The following MYO3B variants were observed in gnomAD, a reference collection of about 807,000 sequenced individuals.
MYO3B encodes myosin-IIIb.
In MYO3B, 156 loss-of-function variants were observed where a neutral mutation model predicts 174.6. That is an observed-to-expected ratio of 0.89 (90% CI 0.78 to 1.02). The LOEUF is 1.02. Ranked by LOEUF, MYO3B falls within the 50% of genes least tolerant of loss-of-function variation. The probability of loss-of-function intolerance (pLI) is 0.00; values close to 1 mark genes in which losing one functional copy is unlikely to be tolerated. For missense variants in MYO3B, 1,632 were observed against 1,639.4 expected (o/e 1.00, Z 0.08); for synonymous variants, 563 against 569.1 (o/e 0.99, Z 0.15).
At chr2:170,615,082 G>A (rs186640808) in intron 32 of MYO3B, among the ~76,000 whole-genome samples, 36 of 151,996 alleles carry the variant, frequency 2.4e-4, no homozygotes, top group African/African-American at 4.3e-4. Context: ...TTTGTGTTTC[G>A]GTGTCACACT....
chr2:170,476,895 T>A (rs1250764478), intron 25 of MYO3B, among the ~76,000 whole-genome samples: 5 of 152,126 alleles, frequency 3.3e-5, no homozygotes, highest in Admixed American at 3.3e-4. Flanking sequence ...TGGGGGTTAA[T>A]GGCCCAGGGA....
chr2:170,648,428 G>C (rs980012423), intron 32 of MYO3B, among the ~76,000 whole-genome samples: 6 of 151,794 alleles, frequency 4.0e-5, no homozygotes, highest in Non-Finnish European at 7.4e-5. Context: ...TCAGGAGTTC[G>C]AGACCAGGCT....
intron 23 of MYO3B, among the ~76,000 whole-genome samples, chr2:170,445,959 G>A (rs921281077): frequency 6.6e-6 from 1 of 151,044 alleles, no homozygotes; most frequent in African/African-American, 2.4e-5. Flanking sequence ...GGGGTCGGGG[G>A]CAGCATTTTA....
rs749861532 is a variant in MYO3B at position 170,369,280 on chromosome 2, T to C, written c.874T>C (p.Phe292Leu). ...CGTCACACATCTCCTTGACCACCCA[T>C]TTATTAAAGGAGTACATGGAAAAGT... ...PSVTHLLDHP[F>L]IKGVHGKVLF... The change falls in exon 9 of 35, where the codon TTT (phenylalanine) becomes CTT (leucine). Residue 292 changes from phenylalanine to leucine, a missense_variant. Phe to Leu is a conservative substitution (Grantham distance 22). Coordinates refer to ENST00000408978, the MANE Select transcript of MYO3B (RefSeq NM_138995.5). The C allele has an allele frequency of 6.2e-7, 1 of 1,613,812 alleles. No homozygotes were observed. Among genetic ancestry groups the C allele is most frequent in the Non-Finnish European group, 8.5e-7 (1 of 1,179,786 alleles).
At chr2:170,533,691 G>A (rs1247241153) in intron 30 of MYO3B, among the ~76,000 whole-genome samples, 1 of 152,166 alleles carries the variant, frequency 6.6e-6, no homozygotes, top group African/African-American at 2.4e-5. Context: ...CATGTTTACG[G>A]ATTTGTCTTT....
intron 1 of MYO3B, among the ~76,000 whole-genome samples, chr2:170,182,968 A>C (rs1574536250): frequency 6.6e-6 from 1 of 152,048 alleles, no homozygotes; most frequent in South Asian, 2.1e-4. Context: ...TTAAAAAAAA[A>C]CAAAGCGGCT....
At chr2:170,363,575 G>T (rs2094177291) in intron 8 of MYO3B, among the ~76,000 whole-genome samples, 1 of 152,214 alleles carries the variant, frequency 6.6e-6, no homozygotes, top group South Asian at 2.1e-4. Context: ...TTTGGCAGAA[G>T]CCAGACTGGG....
In MYO3B at chr2:170,270,451, G is replaced by A. The variant is rs552239480; in HGVS notation, c.749+34315G>A. Among the ~76,000 whole-genome samples the A allele has an allele frequency of 2.0e-4, 30 of 152,286 alleles. No individual in the cohort carries two copies. In the South Asian group the frequency reaches 6.0e-3, roughly 31 times the overall value. On this transcript the variant is annotated intron_variant, in intron 7 of 34. Coordinates refer to ENST00000408978, the MANE Select transcript of MYO3B (RefSeq NM_138995.5). ...GAATTCAAAGCTTTACTTTGAATTT[G>A]CTCATCTCTCAGACTCTGGACGCAG...
intron 32 of MYO3B, among the ~76,000 whole-genome samples, chr2:170,600,953 C>T (rs1310634518): frequency 6.6e-6 from 1 of 152,098 alleles, no homozygotes; most frequent in Non-Finnish European, 1.5e-5. Flanking sequence ...CTTAACTGAT[C>T]AAGATTTTGG....
intron 3 of MYO3B, among the ~76,000 whole-genome samples, chr2:170,212,796 C>T (rs184430769): frequency 7.4e-4 from 112 of 152,332 alleles, no homozygotes; most frequent in African/African-American, 2.5e-3. Context: ...CCCCAGTGCT[C>T]GTGTCTGGCT....
At chr2:170,607,429 T>C (rs1389682445) in intron 32 of MYO3B, among the ~76,000 whole-genome samples, 1 of 152,238 alleles carries the variant, frequency 6.6e-6, no homozygotes, top group Non-Finnish European at 1.5e-5. Flanking sequence ...AGTTTTCATC[T>C]AGATCATCCT....
intron 32 of MYO3B, among the ~76,000 whole-genome samples, chr2:170,583,828 T>C (rs1693317278): frequency 6.6e-6 from 1 of 152,196 alleles, no homozygotes; most frequent in African/African-American, 2.4e-5. Context: ...ACATTGTGAC[T>C]TCAGACTCAG....
chr2:170,573,227 G>GTGTATATATATATATA (rs1446970724), intron 32 of MYO3B, among the ~76,000 whole-genome samples: 280 of 46,390 alleles, frequency 6.0e-3, no homozygotes, highest in Non-Finnish European at 0.015. Context: ...TATACTGTGT[G>GTGTATATATATATATA]TATATATATA....
At chr2:170,423,807 T>C (rs1381298221) in intron 22 of MYO3B, among the ~76,000 whole-genome samples, 1 of 152,022 alleles carries the variant, frequency 6.6e-6, no homozygotes, top group Non-Finnish European at 1.5e-5. Context: ...TCTTGGTCTC[T>C]TTACTTCGTG....
In MYO3B at chr2:170,383,708, A is replaced by C; in HGVS notation, c.1186-2A>C. 6.2e-7 allele frequency: 1 copy of C among 1,610,714 alleles called. No individual in the cohort carries two copies. The highest frequency in any genetic ancestry group is 1.7e-4 in the Middle Eastern group (1 of 6,048). ...AGTTTCCTTTAATTATTTTTCCTTC[A>C]GTTTTCCAGACTTTATCATGGGGTG... On this transcript the variant is annotated splice_acceptor_variant, in intron 11 of 34. Transcript: ENST00000408978. LOFTEE classifies it high-confidence loss of function.
intron 1 of MYO3B, among the ~76,000 whole-genome samples, chr2:170,183,178 A>C (rs1386966892): frequency 1.3e-5 from 2 of 151,944 alleles, no homozygotes; most frequent in Non-Finnish European, 2.9e-5. Flanking sequence ...AATTGCTTGA[A>C]CCTGGGAGGC....
At chr2:170,219,869 G>A (rs2105377203) in intron 6 of MYO3B, among the ~76,000 whole-genome samples, 1 of 152,260 alleles carries the variant, frequency 6.6e-6, no homozygotes, top group South Asian at 2.1e-4. Context: ...TTCTACTCTA[G>A]AGCAAATTGG....
chr2:170,607,313 G>A (rs1295874199), intron 32 of MYO3B, among the ~76,000 whole-genome samples: 14 of 152,196 alleles, frequency 9.2e-5, no homozygotes, highest in Non-Finnish European at 4.4e-5. Flanking sequence ...CCACAACTTC[G>A]TGGCTTACAG....
chr2:170,178,473 G>C (rs1019915848), intron 1 of MYO3B, among the ~76,000 whole-genome samples, 184 bp downstream of exon 1: 1 of 152,056 alleles, frequency 6.6e-6, no homozygotes, highest in East Asian at 1.9e-4. Flanking sequence ...TTTGCCTTTT[G>C]TCTGGGTGGT....
Sources: allele counts gnomAD v4.1 joint callset (sites outside exome capture counted in the v4.1 genomes callset), GRCh38; gene constraint gnomAD v4.1.1; transcripts MANE v1.5; gene names NCBI Gene and HGNC (gene_info 2026-07-23, HGNC 2026-07-21).